CCDC39: variants seen among roughly 807,000 people sequenced by gnomAD.
CCDC39 encodes coiled-coil domain 39 molecular ruler complex subunit.
CCDC39 carries 113 observed loss-of-function variants against 121.0 expected under a neutral mutation model. The ratio of observed to expected loss-of-function variants is 0.93; its 90% CI spans 0.80 to 1.09. The LOEUF (loss-of-function observed/expected upper bound fraction) is 1.09. Among genes scored for constraint, CCDC39 ranks in the 50% least tolerant of loss-of-function variants. The pLI is 0.00. For synonymous variants in CCDC39, 349 were observed against 352.2 expected (o/e 0.99, Z 0.10); for missense variants, 1,063 against 1,074.7 (o/e 0.99, Z 0.15).
In CCDC39 at chr3:180,659,540, T is replaced by C. The variant is rs760390455; in HGVS notation, c.650A>G (p.His217Arg). The change falls in exon 6 of 20, where the codon CAT (histidine) becomes CGT (arginine). Residue 217 changes from histidine (H) to arginine (R), a missense_variant. Transcript: ENST00000476379. ...DKAAQDFRKI[H>R]NERQELIKQW... The stretch of plus-strand genomic sequence containing the variant: ...TTTAATGAGTTCTTGTCTTTCATTA[T>C]GAATCTTACGAAAATCTTGTGCTGC... 2 of 1,613,312 alleles carry C rather than the reference T, an allele frequency of 1.2e-6. No individual in the cohort carries two copies. Among genetic ancestry groups the C allele is most frequent in the Admixed American group, 1.7e-5 (1 of 60,004 alleles).
At chr3:180,633,550 G>A (rs189101815) in intron 13 of CCDC39, among the ~76,000 whole-genome samples, 4,154 of 152,144 alleles carry the variant, frequency 0.027, 88 homozygotes, top group Non-Finnish European at 0.042. Context: ...AGAGAGACAA[G>A]GGGGGAGATT....
intron 12 of CCDC39, among the ~76,000 whole-genome samples, chr3:180,642,664 T>C (rs1170176200): frequency 6.6e-6 from 1 of 152,108 alleles, no homozygotes; most frequent in Non-Finnish European, 1.5e-5. Context: ...GGATATAAGA[T>C]TTTATTGTTT....
chr3:180,625,952 T>G (rs1014840866), intron 14 of CCDC39, among the ~76,000 whole-genome samples: 4 of 152,020 alleles, frequency 2.6e-5, no homozygotes, highest in African/African-American at 9.7e-5. Flanking sequence ...GGCTGATTCT[T>G]GGGCCTCTGG....
intron 2 of CCDC39, among the ~76,000 whole-genome samples, chr3:180,663,043 G>A (rs78487850): frequency 0.013 from 1,998 of 152,170 alleles, 37 homozygotes; most frequent in African/African-American, 0.046. Context: ...ATAACCACAA[G>A]TTTTAATTTT....
chr3:180,620,599 C>CT (rs1424125615), intron 14 of CCDC39, among the ~76,000 whole-genome samples: 1 of 151,702 alleles, frequency 6.6e-6, no homozygotes, highest in Non-Finnish European at 1.5e-5. Flanking sequence ...TTCCAAAGAA[C>CT]GTCCTAAAGG....
chr3:180,640,243 AAAAGT>A (rs1395067670), intron 13 of CCDC39, among the ~76,000 whole-genome samples: 2 of 152,102 alleles, frequency 1.3e-5, no homozygotes, highest in Admixed American at 6.6e-5. Flanking sequence ...ATAAAGTTTA[AAAAGT>A]AAAGTCTATG....
At chr3:180,654,724 C>A in intron 7 of CCDC39, 38 bp downstream of exon 7, 2 of 1,415,412 alleles carry the variant, frequency 1.4e-6, no homozygotes, top group South Asian at 2.6e-5. Flanking sequence ...AGTGATTTGT[C>A]GTGAACATAC....
chr3:180,636,837 C>T (rs190667752), intron 13 of CCDC39, among the ~76,000 whole-genome samples: 1 of 152,202 alleles, frequency 6.6e-6, no homozygotes, highest in East Asian at 1.9e-4. Flanking sequence ...GGAATGGACT[C>T]GCTATTCAAT....
chr3:180,620,515 A>C (rs190810933), intron 14 of CCDC39, among the ~76,000 whole-genome samples: 1 of 152,188 alleles, frequency 6.6e-6, no homozygotes, highest in East Asian at 1.9e-4. Context: ...CTAAGAGTGG[A>C]CATACTCAGT....
At chr3:180,665,035 A>G (rs910621427) in intron 1 of CCDC39, among the ~76,000 whole-genome samples, 5 of 152,092 alleles carry the variant, frequency 3.3e-5, no homozygotes, top group African/African-American at 1.2e-4. Flanking sequence ...TAAGCGAACA[A>G]GAGCATACTA....
chr3:180,670,312 GGTGT>G (rs34194996), intron 1 of CCDC39, among the ~76,000 whole-genome samples: 122 of 148,376 alleles, frequency 8.2e-4, no homozygotes, highest in Non-Finnish European at 1.4e-3. Context: ...GTATGGAAGG[GGTGT>G]GTGTGTGTGT....
At chr3:180,643,004 G>A (rs1277642682) in intron 12 of CCDC39, among the ~76,000 whole-genome samples, 3 of 150,124 alleles carry the variant, frequency 2.0e-5, no homozygotes, top group Non-Finnish European at 4.4e-5. Flanking sequence ...CTGTCGCCCA[G>A]GCTGGAGCGC....
intron 10 of CCDC39, 41 bp from the exon 11 acceptor site, chr3:180,647,284 A>G: frequency 1.3e-6 from 2 of 1,492,160 alleles, no homozygotes; most frequent in African/African-American, 1.4e-5. Flanking sequence ...CAAAGAAAAA[A>G]AAAGCATTTC....
At chr3:180,659,792 T>C (rs747809369) in intron 4 of CCDC39, 23 bp from the exon 5 acceptor site, 3 of 1,462,760 alleles carry the variant, frequency 2.1e-6, no homozygotes, top group South Asian at 1.2e-5. Context: ...TATATACAGA[T>C]ACTTATAATT....
At chr3:180,667,844 CT>C (rs1191768660) in intron 1 of CCDC39, among the ~76,000 whole-genome samples, 1 of 152,134 alleles carries the variant, frequency 6.6e-6, no homozygotes, top group Non-Finnish European at 1.5e-5. Flanking sequence ...AGGAAATGTT[CT>C]TGAAGAAAAT....
intron 13 of CCDC39, 82 bp from the exon 14 acceptor site, chr3:180,631,674 A>G: frequency 8.2e-7 from 1 of 1,224,496 alleles, no homozygotes. Context: ...TATTGAAGAC[A>G]TTTGGATTTG....
chr3:180,671,408 C>G (rs181886639), intron 1 of CCDC39, among the ~76,000 whole-genome samples: 1 of 152,074 alleles, frequency 6.6e-6, no homozygotes, highest in African/African-American at 2.4e-5. Flanking sequence ...TATCCCTGCT[C>G]CACAAGGAGC....
intron 14 of CCDC39, among the ~76,000 whole-genome samples, chr3:180,629,167 G>A (rs1717635541): frequency 6.6e-6 from 1 of 152,160 alleles, no homozygotes. Context: ...GAGCCAGTAA[G>A]ATATTTAGAC....
chr3:180,656,823 C>G (rs1341825022), intron 6 of CCDC39, among the ~76,000 whole-genome samples: 1 of 152,188 alleles, frequency 6.6e-6, no homozygotes, highest in Non-Finnish European at 1.5e-5. Context: ...AAAAGACACT[C>G]CCACCAGCAC....
Sources: allele counts gnomAD v4.1 joint callset (sites outside exome capture counted in the v4.1 genomes callset), GRCh38; gene constraint gnomAD v4.1.1; transcripts MANE v1.5; gene names NCBI Gene and HGNC (gene_info 2026-07-23, HGNC 2026-07-21).